The following PEX7 variants were observed in gnomAD, a reference collection of about 807,000 sequenced individuals.
PEX7 encodes the protein peroxisomal biogenesis factor 7.
In PEX7, 34 loss-of-function variants were observed where a neutral mutation model predicts 47.5. That is an observed-to-expected ratio of 0.72 (90% CI 0.54 to 0.95). The LOEUF (loss-of-function observed/expected upper bound fraction) is 0.95, where lower values mean the gene tolerates loss of function less well. PEX7 is among the 40% of genes least tolerant of loss of function. The pLI is 0.00. For missense variants in PEX7, 394 were observed against 400.3 expected (o/e 0.98, Z 0.13); for synonymous variants, 141 against 148.8 (o/e 0.95, Z 0.38).
At chr6:136,894,251 G>A (rs1260950860) in intron 8 of PEX7, among the ~76,000 whole-genome samples, 2 of 152,142 alleles carry the variant, frequency 1.3e-5, no homozygotes, top group Non-Finnish European at 2.9e-5. Context: ...AAGGTCAGGA[G>A]TTCGAGACCA....
chr6:136,901,847 G>A (rs1192379010), intron 9 of PEX7, among the ~76,000 whole-genome samples: 15 of 152,212 alleles, frequency 9.9e-5, no homozygotes, highest in Non-Finnish European at 5.9e-5. Flanking sequence ...GTGCAATGGC[G>A]TGATCTCGGC....
chr6:136,871,423 T>G (rs977466934), intron 7 of PEX7, among the ~76,000 whole-genome samples: 1 of 152,244 alleles, frequency 6.6e-6, no homozygotes, highest in African/African-American at 2.4e-5. Flanking sequence ...TTATTTAACA[T>G]TTAAATGTTT....
At chr6:136,891,242 A>T (rs747561621) in intron 8 of PEX7, among the ~76,000 whole-genome samples, 3 of 152,314 alleles carry the variant, frequency 2.0e-5, no homozygotes, top group Non-Finnish European at 4.4e-5. Flanking sequence ...CCCGGGCTTA[A>T]TGTTTACTGT....
In PEX7 at chr6:136,900,770, G is replaced by A; in HGVS notation, c.903+2529G>A. ...GTGTTAACCCCAGCTTGAAGGACAG[G>A]TGGTCTCTTAGTGGGGACATCCCCT... On this transcript the variant is annotated intron_variant, in intron 9 of 9. Coordinates refer to ENST00000318471, the MANE Select transcript of PEX7 (RefSeq NM_000288.4). This position sits in a 1 kb window ranked among gnomAD's most constrained non-coding sequence, Gnocchi z 4.2. 2 of 338,530 alleles carry A rather than the reference G, an allele frequency of 5.9e-6. No individual in the cohort carries two copies. The highest frequency in any genetic ancestry group is 5.0e-5 in the South Asian group (2 of 39,754). 21.0% of individuals were successfully genotyped at this position (338,530 alleles called of 1,614,324 possible).
intron 5 of PEX7, among the ~76,000 whole-genome samples, chr6:136,856,603 G>T (rs1053627740): frequency 9.9e-5 from 15 of 152,166 alleles, no homozygotes; most frequent in African/African-American, 3.6e-4. Context: ...CCTTGTGGAT[G>T]TTCCTGAACT....
intron 7 of PEX7, 64 bp downstream of exon 7, chr6:136,870,067 A>T: frequency 9.5e-7 from 1 of 1,054,396 alleles, no homozygotes; most frequent in Non-Finnish European, 1.4e-6. Flanking sequence ...AATGAAGTGT[A>T]TATTAAAAAG....
chr6:136,876,179 A>G (rs965844059), intron 8 of PEX7, among the ~76,000 whole-genome samples: 1 of 151,916 alleles, frequency 6.6e-6, no homozygotes, highest in Non-Finnish European at 1.5e-5. Flanking sequence ...CTGGGACTAC[A>G]GGCACCCGTC....
Position 136,822,796 on chromosome 6 carries a change from G to A in PEX7, c.130+1G>A, listed in dbSNP as rs267608253. 19 of 1,313,850 alleles carry A rather than the reference G, an allele frequency of 1.4e-5. No homozygotes were observed. The highest frequency in any genetic ancestry group is 1.8e-5 in the Non-Finnish European group (19 of 1,037,198). The allele number at this position is 1,313,850 out of a possible 1,614,324, so 81.4% of individuals were successfully genotyped here. On this transcript the variant is annotated splice_donor_variant, in intron 1 of 9. Transcript: ENST00000318471. LOFTEE classifies it high-confidence loss of function. Reference sequence around the variant, plus strand: ...ACCGCGCAGCACTACGGCATCGCGGGTGAGGCGGCGCCGCGCAGCTGGGGC... The same window carrying A: ...ACCGCGCAGCACTACGGCATCGCGGATGAGGCGGCGCCGCGCAGCTGGGGC...
intron 5 of PEX7, among the ~76,000 whole-genome samples, chr6:136,859,678 A>G (rs1774922381): frequency 6.6e-6 from 1 of 152,120 alleles, no homozygotes; most frequent in Non-Finnish European, 1.5e-5. Flanking sequence ...TGCAATTTGA[A>G]ATTAGACATA....
At chr6:136,832,773 A>T (rs1409943325) in intron 3 of PEX7, among the ~76,000 whole-genome samples, 1 of 152,188 alleles carries the variant, frequency 6.6e-6, no homozygotes, top group African/African-American at 2.4e-5. Flanking sequence ...CAGGGGCAAA[A>T]TGCCACCAGT....
intron 3 of PEX7, chr6:136,830,354 C>A (rs886534195): frequency 1.2e-5 from 3 of 252,884 alleles, no homozygotes; most frequent in Non-Finnish European, 2.2e-5. Flanking sequence ...GGCTATGTGT[C>A]CAACAGTCAA....
At chr6:136,878,786 A>T (rs1775323403) in intron 8 of PEX7, among the ~76,000 whole-genome samples, 1 of 152,046 alleles carries the variant, frequency 6.6e-6, no homozygotes, top group Non-Finnish European at 1.5e-5. Context: ...TTAGCATCGA[A>T]TGTGTCATAT....
At chr6:136,875,803 T>C (rs1775260598) in intron 8 of PEX7, among the ~76,000 whole-genome samples, 1 of 152,192 alleles carries the variant, frequency 6.6e-6, no homozygotes, top group African/African-American at 2.4e-5. Flanking sequence ...CCTGCATCTT[T>C]TGTAGTTTTG....
intron 9 of PEX7, among the ~76,000 whole-genome samples, chr6:136,903,723 C>T (rs1040762245): frequency 5.9e-5 from 9 of 151,808 alleles, no homozygotes; most frequent in East Asian, 3.9e-4. Flanking sequence ...TGCAGTGGTA[C>T]GTCATGGCTC....
chr6:136,843,206 A>G (rs1344581763), intron 3 of PEX7, among the ~76,000 whole-genome samples: 1 of 152,238 alleles, frequency 6.6e-6, no homozygotes, highest in East Asian at 1.9e-4. Context: ...GACTCTGGAC[A>G]AGTTACTTAA....
intron 9 of PEX7, among the ~76,000 whole-genome samples, chr6:136,913,202 T>C (rs537547624): frequency 6.6e-5 from 10 of 152,326 alleles, no homozygotes; most frequent in African/African-American, 2.2e-4. Flanking sequence ...GACATTCTTA[T>C]AGGAAACCTC....
chr6:136,878,306 T>G (rs1464339339), intron 8 of PEX7, among the ~76,000 whole-genome samples: 5 of 152,192 alleles, frequency 3.3e-5, no homozygotes, highest in Non-Finnish European at 7.3e-5. Context: ...TCCTTTCTTT[T>G]GCCTGATTGC....
At chr6:136,907,527 A>G (rs752000068) in intron 9 of PEX7, among the ~76,000 whole-genome samples, 33 of 151,422 alleles carry the variant, frequency 2.2e-4, no homozygotes, top group African/African-American at 7.5e-4. Context: ...GCCTGTTTCT[A>G]TTATTCATTT....
chr6:136,835,016 T>C (rs1387863730), intron 3 of PEX7, among the ~76,000 whole-genome samples: 4 of 152,090 alleles, frequency 2.6e-5, no homozygotes, highest in African/African-American at 4.8e-5. Context: ...CTTGGCCCAC[T>C]GCAACCTCCG....
Sources: allele counts gnomAD v4.1 joint callset (sites outside exome capture counted in the v4.1 genomes callset), GRCh38; gene constraint gnomAD v4.1.1; non-coding constraint Gnocchi (gnomAD v3.1); transcripts MANE v1.5; gene names NCBI Gene and HGNC (gene_info 2026-07-23, HGNC 2026-07-21).